Variants in TDRD10 observed in about 807,000 individuals in gnomAD.
TDRD10 encodes the protein tudor domain containing 10, also known as tudor domain-containing protein 10.
In TDRD10, 40 loss-of-function variants were observed where a neutral mutation model predicts 48.0. The ratio of observed to expected loss-of-function variants is 0.83; its 90% CI spans 0.65 to 1.09. The LOEUF is 1.09. Ranked by LOEUF, TDRD10 falls within the 50% of genes least tolerant of loss-of-function variation. TDRD10 has a pLI of 0.00. For missense variants in TDRD10, 378 were observed against 434.7 expected (o/e 0.87, Z 1.16); for synonymous variants, 162 against 170.4 (o/e 0.95, Z 0.38).
At chr1:154,515,278 A>G (rs975771360) in intron 4 of TDRD10, among the ~76,000 whole-genome samples, 2 of 152,004 alleles carry the variant, frequency 1.3e-5, no homozygotes, top group East Asian at 1.9e-4. Flanking sequence ...GATTACAGGT[A>G]TGAGCCACCG....
At position 154,547,899 on chromosome 1, in the gene TDRD10, T is replaced by C. The variant is rs1695695944; in HGVS notation, c.*189T>C. On this transcript the variant is annotated 3_prime_UTR_variant, in exon 13 of 13. Transcript: ENST00000368482. Reference sequence around the variant, plus strand: ...AAAGAGAGTGAAGTCTCATTTGTCATGTGTCTTCAGTTCCCCAACTTGGCA... The same window carrying C: ...AAAGAGAGTGAAGTCTCATTTGTCACGTGTCTTCAGTTCCCCAACTTGGCA... 4 of 653,420 alleles carry C rather than the reference T, an allele frequency of 6.1e-6. No homozygotes were observed. The highest frequency in any genetic ancestry group is 5.8e-5 in the South Asian group (3 of 51,292). The allele number at this position is 653,420 out of a possible 1,614,324, so 40.5% of individuals were successfully genotyped here.
intron 6 of TDRD10, among the ~76,000 whole-genome samples, chr1:154,532,452 T>C (rs187227566): frequency 6.6e-6 from 1 of 151,806 alleles, no homozygotes; most frequent in East Asian, 1.9e-4. Flanking sequence ...CACCTGTGCT[T>C]CTCCCTCCAC....
chr1:154,509,393 C>CT (rs1226557721), intron 4 of TDRD10, among the ~76,000 whole-genome samples: 1 of 152,098 alleles, frequency 6.6e-6, no homozygotes, highest in Admixed American at 6.5e-5. Context: ...AAGCTAAATG[C>CT]TTTATTCATG....
At chr1:154,511,044 T>A (rs994208960) in intron 4 of TDRD10, among the ~76,000 whole-genome samples, 1 of 150,332 alleles carries the variant, frequency 6.7e-6, no homozygotes, top group Non-Finnish European at 1.5e-5. Context: ...AGACCCTGTT[T>A]CAAAAAAAAA....
chr1:154,541,616 T>C (rs72999419), intron 6 of TDRD10, among the ~76,000 whole-genome samples: 28,855 of 151,956 alleles, frequency 0.19, 2,977 homozygotes, highest in South Asian at 0.23. Context: ...GCACCCAGGC[T>C]TTTCTGTCCC....
In TDRD10 at chr1:154,540,283, C is replaced by T. The variant is rs145268055; in HGVS notation, c.370-1741C>T. Among the ~76,000 whole-genome samples, 461 of 151,790 alleles carry T rather than the reference C, an allele frequency of 3.0e-3. 2 individuals are homozygous for T. Among genetic ancestry groups the T allele is most frequent in the African/African-American group, 0.011 (447 of 41,348 alleles). ...ACACAGAGAAAAATGTTCATGGGCT[C>T]GGGTGTGTCTTGGAGGAGGAGGTAG... On this transcript the variant is annotated intron_variant, in intron 6 of 12. Coordinates refer to ENST00000368482, the MANE Select transcript of TDRD10 (RefSeq NM_182499.4).
intron 6 of TDRD10, among the ~76,000 whole-genome samples, chr1:154,529,294 A>G (rs6427721): frequency 0.78 from 118,976 of 151,622 alleles, 47,394 homozygotes; most frequent in East Asian, 0.92. Flanking sequence ...GGCAGGTCTC[A>G]AACTCCTGAC....
intron 4 of TDRD10, among the ~76,000 whole-genome samples, chr1:154,519,764 CTG>C (rs72365002): frequency 0.79 from 119,338 of 151,732 alleles, 47,618 homozygotes; most frequent in East Asian, 0.92. Flanking sequence ...GTTGGTGCCT[CTG>C]TGGAGACACC....
Position 154,521,366 on chromosome 1 carries a change from G to A in TDRD10, c.256G>A (p.Ala86Thr), listed in dbSNP as rs138653932. 3 of 1,614,154 alleles carry A rather than the reference G, an allele frequency of 1.9e-6. No homozygotes were observed. The highest frequency in any genetic ancestry group is 2.2e-5 in the East Asian group (1 of 44,888). Residue 86 changes from alanine (A) to threonine (T), a missense_variant, in exon 6 of 13, where the codon GCA becomes ACA. By Grantham distance (58) the Ala-to-Thr change is moderately conservative. Coordinates refer to ENST00000368482, the MANE Select transcript of TDRD10 (RefSeq NM_182499.4). The part of the protein sequence containing the change: ...DLGSMQKVTL[A>T]IQELNGKLFH... ...GGGCTCCATGCAGAAAGTGACACTT[G>A]CAATCCAGGAGCTGAATGGTAAACT...
chr1:154,505,074 T>C (rs775464560), intron 1 of TDRD10, among the ~76,000 whole-genome samples: 1 of 152,248 alleles, frequency 6.6e-6, no homozygotes, highest in Non-Finnish European at 1.5e-5. Context: ...CTCAGGACTT[T>C]GGAATCATGT....
Position 154,505,642 on chromosome 1 carries a change from CTT to C in TDRD10, c.-27-1233_-27-1232del, listed in dbSNP as rs1489001976. Among the ~76,000 whole-genome samples the C allele has an allele frequency of 2.6e-5, 4 of 152,200 alleles. No homozygotes were observed. In the East Asian group the frequency reaches 7.7e-4, roughly 29 times the overall value. ...GGAAAAAAAAATCCCTTTAAAATGA[CTT>C]TGACGCCTTGTTATCTGTAGAAAGA... On this transcript the variant is annotated intron_variant, in intron 1 of 12. Transcript: ENST00000368482.
intron 1 of TDRD10, among the ~76,000 whole-genome samples, chr1:154,504,537 A>G (rs1050594709): frequency 5.9e-5 from 9 of 152,174 alleles, no homozygotes; most frequent in African/African-American, 2.2e-4. Flanking sequence ...TTAGAGATAG[A>G]GGATGTTGTC....
intron 1 of TDRD10, among the ~76,000 whole-genome samples, chr1:154,505,629 C>A (rs1693105937): frequency 6.6e-6 from 1 of 152,032 alleles, no homozygotes; most frequent in South Asian, 2.1e-4. Flanking sequence ...AAAAAAAAAT[C>A]CCTTTAAAAT....
chr1:154,542,893 G>T, intron 8 of TDRD10, 72 bp downstream of exon 8: 1 of 1,311,684 alleles, frequency 7.6e-7, no homozygotes, highest in South Asian at 1.2e-5. Context: ...AGAGAGTGGG[G>T]ACAAGGATAG....
At chr1:154,511,655 C>A (rs549408924) in intron 4 of TDRD10, among the ~76,000 whole-genome samples, 1 of 152,196 alleles carries the variant, frequency 6.6e-6, no homozygotes, top group Admixed American at 6.5e-5. Flanking sequence ...CGAGACCAGC[C>A]TGGCCAACGT....
At chr1:154,506,408 C>G (rs761225017) in intron 1 of TDRD10, among the ~76,000 whole-genome samples, 7 of 149,526 alleles carry the variant, frequency 4.7e-5, no homozygotes, top group Non-Finnish European at 8.9e-5. Flanking sequence ...TGTTGTCTCA[C>G]TCTGTCGCCC....
At chr1:154,533,529 CTT>C (rs1694760016) in intron 6 of TDRD10, among the ~76,000 whole-genome samples, 1 of 151,960 alleles carries the variant, frequency 6.6e-6, no homozygotes, top group Non-Finnish European at 1.5e-5. Flanking sequence ...TCAGAGTCTT[CTT>C]ATGTTTGTTT....
chr1:154,531,905 C>T (rs1694648827), intron 6 of TDRD10, among the ~76,000 whole-genome samples: 1 of 152,162 alleles, frequency 6.6e-6, no homozygotes, highest in Non-Finnish European at 1.5e-5. Context: ...TACAGAGTGT[C>T]GATTGGTGTA....
At chr1:154,534,122 G>GCAGCCT (rs1257125563) in intron 6 of TDRD10, among the ~76,000 whole-genome samples, 1 of 152,068 alleles carries the variant, frequency 6.6e-6, no homozygotes, top group Non-Finnish European at 1.5e-5. Context: ...TTCCTGGCAT[G>GCAGCCT]CAGCCTCAGC....
Sources: allele counts gnomAD v4.1 joint callset (sites outside exome capture counted in the v4.1 genomes callset), GRCh38; gene constraint gnomAD v4.1.1; transcripts MANE v1.5; gene names NCBI Gene and HGNC (gene_info 2026-07-23, HGNC 2026-07-21).